MYO18B: variants seen among roughly 807,000 people sequenced by gnomAD.
MYO18B encodes the protein myosin XVIIIB.
Under a neutral mutation model 273.0 loss-of-function variants are expected in MYO18B, and 204 were observed. The ratio of observed to expected loss-of-function variants is 0.75; its 90% CI spans 0.67 to 0.84. The LOEUF (loss-of-function observed/expected upper bound fraction) is 0.84, where lower values mean the gene tolerates loss of function less well. MYO18B is among the 40% of genes least tolerant of loss of function. The pLI is 0.00. For synonymous variants in MYO18B, 1,330 were observed against 1,305.7 expected (o/e 1.02, Z -0.40); for missense variants, 3,212 against 3,287.6 (o/e 0.98, Z 0.56).
intron 42 of MYO18B, among the ~76,000 whole-genome samples, chr22:26,025,629 G>C (rs1936184014): frequency 6.6e-6 from 1 of 152,180 alleles, no homozygotes; most frequent in Non-Finnish European, 1.5e-5. Context: ...TTGGTGAGGG[G>C]AGGGAATGGG....
chr22:25,867,155 A>G (rs911471123), intron 21 of MYO18B, among the ~76,000 whole-genome samples: 9 of 152,184 alleles, frequency 5.9e-5, no homozygotes, highest in African/African-American at 2.2e-4. Context: ...AGTTAATCTT[A>G]ACCATTTTAA....
At chr22:25,838,806 T>C (rs1360281524) in intron 17 of MYO18B, among the ~76,000 whole-genome samples, 2 of 152,102 alleles carry the variant, frequency 1.3e-5, no homozygotes, top group Non-Finnish European at 2.9e-5. Flanking sequence ...ATTGTATAAC[T>C]GTATGTGTGT....
Position 25,874,376 on chromosome 22 carries a change from A to G in MYO18B, c.4042A>G (p.Lys1348Glu). 1 of 1,613,968 alleles carries G rather than the reference A, an allele frequency of 6.2e-7. No homozygotes were observed. Among genetic ancestry groups the G allele is most frequent in the East Asian group, 2.2e-5 (1 of 44,878 alleles). Residue 1348 changes from lysine to glutamate, a missense_variant, in exon 23 of 44, where the codon AAG becomes GAG. Transcript: ENST00000335473. ...QSIVLFQAAC[K>E]GFLSRQEFKK... is the part of the protein sequence containing the mutation. ...CATCGTTCTCTTCCAGGCGGCTTGC[A>G]AGGGCTTTCTGTCTCGCCAGGAATT... is the stretch of plus-strand genomic sequence containing the variant.
intron 39 of MYO18B, among the ~76,000 whole-genome samples, chr22:25,984,470 T>A (rs1490237666): frequency 6.6e-6 from 1 of 152,080 alleles, no homozygotes; most frequent in East Asian, 1.9e-4. Flanking sequence ...TTGAATACCA[T>A]TTCTAGGAGG....
At chr22:25,851,082 C>T (rs535812043) in intron 20 of MYO18B, among the ~76,000 whole-genome samples, 2 of 152,256 alleles carry the variant, frequency 1.3e-5, no homozygotes, top group South Asian at 2.1e-4. Context: ...CTTTGTCAAA[C>T]GGGTTTGGGA....
At chr22:25,950,898 A>G (rs1367807661) in intron 37 of MYO18B, among the ~76,000 whole-genome samples, 1 of 152,184 alleles carries the variant, frequency 6.6e-6, no homozygotes, top group Non-Finnish European at 1.5e-5. Flanking sequence ...ATTAACTTAC[A>G]TGACCACAAG....
At chr22:25,979,440 C>G (rs1387416078) in intron 39 of MYO18B, among the ~76,000 whole-genome samples, 1 of 152,060 alleles carries the variant, frequency 6.6e-6, no homozygotes, top group Non-Finnish European at 1.5e-5. Context: ...CTTTTTTATT[C>G]AGAGAGCAAC....
chr22:25,770,867 A>G lies in MYO18B; in HGVS notation c.1580-5A>G. The G allele has an allele frequency of 6.4e-7, 1 of 1,550,712 alleles. No individual in the cohort carries two copies. Among genetic ancestry groups the G allele is most frequent in the Non-Finnish European group, 8.7e-7 (1 of 1,146,054 alleles). ...TCCCCTTCTCTCTCTGGGATGTCCA[A>G]CCAGCTACGGTGCTAAAGCCAGATG... On this transcript the variant is annotated splice_region_variant and splice_polypyrimidine_tract_variant and intron_variant, in intron 5 of 43. Coordinates refer to ENST00000335473, the MANE Select transcript of MYO18B (RefSeq NM_032608.7).
the MYO18B span, among the ~76,000 whole-genome samples, chr22:26,045,260 T>C: frequency 6.6e-6 from 1 of 152,072 alleles, no homozygotes; most frequent in East Asian, 1.9e-4. Flanking sequence ...TCAGATATCC[T>C]AGCCAAGGCC....
intron 21 of MYO18B, among the ~76,000 whole-genome samples, chr22:25,856,117 G>GT (rs760226661): frequency 1.3e-5 from 2 of 152,190 alleles, no homozygotes; most frequent in Non-Finnish European, 2.9e-5. Context: ...CTGCCATACA[G>GT]TTTTTTATAG....
At chr22:25,966,791 G>T (rs1347905592) in intron 39 of MYO18B, among the ~76,000 whole-genome samples, 1 of 152,198 alleles carries the variant, frequency 6.6e-6, no homozygotes, top group African/African-American at 2.4e-5. Context: ...TAGGCATTTA[G>T]GTGCTGCTAG....
In MYO18B at chr22:25,859,945, G is replaced by A. The variant is rs149248954; in HGVS notation, c.3885+8366G>A. Among the ~76,000 whole-genome samples, 353 of 152,130 alleles carry A rather than the reference G, an allele frequency of 2.3e-3. 1 individual carries two copies. The highest frequency in any genetic ancestry group is 8.1e-3 in the African/African-American group (335 of 41,494). ...TTACAGAGATATTCTCCCATTTTCC[G>A]CTACAAGATTTGTAGTTTTAGCTCC... is the stretch of plus-strand genomic sequence containing the variant. On this transcript the variant is annotated intron_variant, in intron 21 of 43. Coordinates refer to ENST00000335473, the MANE Select transcript of MYO18B (RefSeq NM_032608.7).
chr22:25,780,433 T>A (rs1391939186), intron 9 of MYO18B, among the ~76,000 whole-genome samples: 2 of 151,332 alleles, frequency 1.3e-5, no homozygotes, highest in Non-Finnish European at 2.9e-5. Flanking sequence ...TCTACTAAGA[T>A]GCAAAAATTA....
intron 17 of MYO18B, among the ~76,000 whole-genome samples, chr22:25,837,303 G>A (rs972069608): frequency 2.6e-5 from 4 of 152,176 alleles, no homozygotes; most frequent in Non-Finnish European, 4.4e-5. Flanking sequence ...ATGTCAAGGT[G>A]TCAGGGACAA....
intron 39 of MYO18B, among the ~76,000 whole-genome samples, chr22:25,990,101 C>G (rs1366153773): frequency 6.6e-6 from 1 of 152,188 alleles, no homozygotes; most frequent in East Asian, 1.9e-4. Context: ...CTTGACCTGG[C>G]CCTTAGGCTT....
intron 12 of MYO18B, among the ~76,000 whole-genome samples, chr22:25,816,069 G>C (rs1350365861): frequency 6.6e-6 from 1 of 152,222 alleles, no homozygotes; most frequent in Non-Finnish European, 1.5e-5. Context: ...AGGGCAGCAG[G>C]ACCTGGAAGG....
the MYO18B span, among the ~76,000 whole-genome samples, chr22:26,062,727 G>A: frequency 6.6e-6 from 1 of 152,162 alleles, no homozygotes; most frequent in Non-Finnish European, 1.5e-5. Flanking sequence ...CTGGCTCAAA[G>A]TACATGCCAT....
At chr22:25,798,424 G>T (rs954642482) in intron 12 of MYO18B, among the ~76,000 whole-genome samples, 1 of 152,162 alleles carries the variant, frequency 6.6e-6, no homozygotes, top group Non-Finnish European at 1.5e-5. Flanking sequence ...ATTTTTAATT[G>T]TATTTAATTC....
intron 34 of MYO18B, among the ~76,000 whole-genome samples, chr22:25,940,597 C>G: frequency 6.6e-6 from 1 of 152,146 alleles, no homozygotes; most frequent in East Asian, 1.9e-4. Flanking sequence ...TGGGTCTGCT[C>G]CTAACCACCA....
Sources: allele counts gnomAD v4.1 joint callset (sites outside exome capture counted in the v4.1 genomes callset), GRCh38; gene constraint gnomAD v4.1.1; transcripts MANE v1.5; gene names NCBI Gene and HGNC (gene_info 2026-07-23, HGNC 2026-07-21).